The following RAPGEF5 variants were observed in gnomAD, a reference collection of about 807,000 sequenced individuals.
RAPGEF5 encodes the protein M-Ras-regulated GEF.
Under a neutral mutation model 125.2 loss-of-function variants are expected in RAPGEF5, and 65 were observed. That is an observed-to-expected ratio of 0.52 (90% CI 0.43 to 0.64). The LOEUF (loss-of-function observed/expected upper bound fraction) is 0.64, where lower values mean the gene tolerates loss of function less well. Among genes scored for constraint, RAPGEF5 ranks in the 30% least tolerant of loss-of-function variants. The pLI, the probability that RAPGEF5 is intolerant of heterozygous loss-of-function variation, is 0.00. For synonymous variants in RAPGEF5, 391 were observed against 385.9 expected (o/e 1.01, Z -0.16); for missense variants, 958 against 1,048.1 (o/e 0.91, Z 1.19).
intron 6 of RAPGEF5, among the ~76,000 whole-genome samples, chr7:22,283,445 A>G (rs1782721664): frequency 6.6e-6 from 1 of 152,188 alleles, no homozygotes; most frequent in Non-Finnish European, 1.5e-5. Flanking sequence ...GTTCTCCTCT[A>G]TATATGGGCA....
intron 14 of RAPGEF5, among the ~76,000 whole-genome samples, chr7:22,159,201 T>C (rs754183937): frequency 1.3e-5 from 2 of 152,210 alleles, no homozygotes; most frequent in African/African-American, 2.4e-5. Context: ...ATATAAGTCT[T>C]AGGCTATGGA....
chr7:22,187,475 T>C (rs1172625084), intron 11 of RAPGEF5, among the ~76,000 whole-genome samples: 1 of 152,226 alleles, frequency 6.6e-6, no homozygotes, highest in Non-Finnish European at 1.5e-5. Context: ...CATTCTTGGC[T>C]GTGAAACCTA....
At chr7:22,319,179 T>C (rs1447712997) in intron 1 of RAPGEF5, among the ~76,000 whole-genome samples, 1 of 152,214 alleles carries the variant, frequency 6.6e-6, no homozygotes, top group African/African-American at 2.4e-5. Context: ...GAAACTAACA[T>C]TTATTGAACT....
At chr7:22,343,125 G>A (rs1463070015) in intron 1 of RAPGEF5, among the ~76,000 whole-genome samples, 1 of 152,188 alleles carries the variant, frequency 6.6e-6, no homozygotes, top group Non-Finnish European at 1.5e-5. Flanking sequence ...TCACAATCAC[G>A]GAGGAAGGTA....
intron 1 of RAPGEF5, among the ~76,000 whole-genome samples, chr7:22,348,560 C>A (rs1392013750): frequency 6.6e-6 from 1 of 152,212 alleles, no homozygotes; most frequent in Non-Finnish European, 1.5e-5. Flanking sequence ...GCTGAGAAAA[C>A]AATGACTTCT....
chr7:22,193,992 G>A lies in RAPGEF5; in HGVS notation c.1038C>T (p.Asp346=). 2 of 1,613,948 alleles carry A rather than the reference G, an allele frequency of 1.2e-6. No homozygotes were observed. The highest frequency in any genetic ancestry group is 1.7e-6 in the Non-Finnish European group (2 of 1,179,866). Residue 346 remains aspartate (D), a synonymous_variant, in exon 10 of 26, where the codon GAC becomes GAT. Coordinates refer to ENST00000665637, the MANE Select transcript of RAPGEF5 (RefSeq NM_012294.5). The part of the protein sequence containing the change: ...EVTTVQVKEQ[D]QSVLVLKKVQ... ...CTTTCTTCAGCACCAGGACGCTCTG[G>A]TCTTGCTCTTTAACCTGAACAGTCG...
intron 17 of RAPGEF5, among the ~76,000 whole-genome samples, chr7:22,151,054 T>C (rs1474240916): frequency 6.6e-6 from 1 of 152,238 alleles, no homozygotes; most frequent in African/African-American, 2.4e-5. Flanking sequence ...TAATTGGTTA[T>C]ATGATAGTTC....
intron 9 of RAPGEF5, among the ~76,000 whole-genome samples, chr7:22,211,013 T>G (rs17146424): frequency 0.18 from 27,376 of 152,160 alleles, 2,876 homozygotes; most frequent in African/African-American, 0.29. Flanking sequence ...ATGTTATAAG[T>G]AAAATACGCA....
intron 8 of RAPGEF5, among the ~76,000 whole-genome samples, chr7:22,220,666 T>G (rs1778263906): frequency 6.6e-6 from 1 of 151,524 alleles, no homozygotes; most frequent in South Asian, 2.1e-4. Flanking sequence ...TAGGTCAAAG[T>G]GCCTAAATAA....
At chr7:22,296,682 G>A (rs117078442) in intron 5 of RAPGEF5, among the ~76,000 whole-genome samples, 2,192 of 152,320 alleles carry the variant, frequency 0.014, 31 homozygotes, top group Non-Finnish European at 0.024. Flanking sequence ...GTTCTCTACT[G>A]TCTCTAGGAA....
intron 21 of RAPGEF5, 46 bp from the exon 22 acceptor site, chr7:22,137,029 T>A: frequency 6.9e-7 from 1 of 1,441,520 alleles, no homozygotes; most frequent in South Asian, 1.2e-5. Flanking sequence ...CAGAAGTTGG[T>A]TATTTTCAGA....
chr7:22,152,951 G>T (rs80127858), intron 17 of RAPGEF5, among the ~76,000 whole-genome samples: 3,585 of 152,290 alleles, frequency 0.024, 48 homozygotes, highest in Middle Eastern at 0.065. Flanking sequence ...TGGGTCTATA[G>T]ACATTACAAC....
At chr7:22,291,700 C>T (rs1782938937) in intron 5 of RAPGEF5, among the ~76,000 whole-genome samples, 1 of 152,110 alleles carries the variant, frequency 6.6e-6, no homozygotes, top group Non-Finnish European at 1.5e-5. Flanking sequence ...TTATTATAGG[C>T]CTAATACCAC....
intron 7 of RAPGEF5, among the ~76,000 whole-genome samples, chr7:22,236,790 A>G (rs1035086749): frequency 4.6e-5 from 7 of 152,194 alleles, no homozygotes; most frequent in African/African-American, 1.7e-4. Context: ...CTTAGAGCAC[A>G]TGAGGGTCAC....
At chr7:22,173,464 T>C (rs187690705) in intron 11 of RAPGEF5, among the ~76,000 whole-genome samples, 94 of 152,314 alleles carry the variant, frequency 6.2e-4, no homozygotes, top group African/African-American at 2.2e-3. Context: ...TTTTAGGTAT[T>C]TGTGGCAGAA....
At position 22,136,968 on chromosome 7, in the gene RAPGEF5, A is replaced by G; in HGVS notation, c.2293T>C (p.Phe765Leu). ...SQTWEKIPGK[F>L]KKLFSELESL... ...TCAAGTTCAGAGAAAAGTTTCTTAA[A>G]CTTCCCAGGGATTTTCTAAAAAACA... Residue 765 changes from phenylalanine to leucine, a missense_variant, in exon 22 of 26, where the codon TTT (phenylalanine) becomes CTT (leucine). Coordinates refer to ENST00000665637, the MANE Select transcript of RAPGEF5 (RefSeq NM_012294.5). 1 of 1,585,090 alleles carries G rather than the reference A, an allele frequency of 6.3e-7. No individual in the cohort carries two copies. Among genetic ancestry groups the G allele is most frequent in the Non-Finnish European group, 8.6e-7 (1 of 1,161,850 alleles).
chr7:22,333,618 T>C (rs192718590), intron 1 of RAPGEF5, among the ~76,000 whole-genome samples: 1 of 152,068 alleles, frequency 6.6e-6, no homozygotes, highest in Admixed American at 6.5e-5. Context: ...TTCATAGGGG[T>C]AGGATGGTGT....
At chr7:22,142,589 C>T (rs1389468881) in intron 20 of RAPGEF5, among the ~76,000 whole-genome samples, 4 of 152,188 alleles carry the variant, frequency 2.6e-5, no homozygotes, top group African/African-American at 9.6e-5. Flanking sequence ...AATACAGACA[C>T]ACTTTCTGGA....
intron 16 of RAPGEF5, among the ~76,000 whole-genome samples, 189 bp downstream of exon 16, chr7:22,156,616 GACAGT>G (rs2128109557): frequency 6.6e-6 from 1 of 152,274 alleles, no homozygotes; most frequent in South Asian, 2.1e-4. Context: ...TGGTGCTTGG[GACAGT>G]ATTATGTGAT....
Sources: gnomAD v4.1 joint callset for allele counts (sites outside exome capture counted in the v4.1 genomes callset) on GRCh38, gnomAD v4.1.1 for gene constraint, MANE v1.5 for transcripts, NCBI Gene and HGNC (gene_info 2026-07-23, HGNC 2026-07-21) for gene names.